The following TBCK variants were observed in gnomAD, a reference collection of about 807,000 sequenced individuals.
TBCK encodes the protein TBC domain-containing protein kinase-like protein.
In TBCK, 99 loss-of-function variants were observed where a neutral mutation model predicts 113.4. That is an observed-to-expected ratio of 0.87 (90% confidence interval 0.74 to 1.03). The LOEUF (loss-of-function observed/expected upper bound fraction) is 1.03. TBCK is among the 50% of genes least tolerant of loss of function. The pLI, the probability that TBCK is intolerant of heterozygous loss-of-function variation, is 0.00. For missense variants in TBCK, 1,045 were observed against 1,061.3 expected (o/e 0.98, Z 0.21); for synonymous variants, 369 against 370.8 (o/e 1.00, Z 0.05).
intron 20 of TBCK, among the ~76,000 whole-genome samples, chr4:106,209,317 C>T (rs955598535): frequency 2.6e-5 from 4 of 152,146 alleles, no homozygotes; most frequent in Non-Finnish European, 5.9e-5. Flanking sequence ...CCAATGTACT[C>T]TCCACTCAGA....
chr4:106,214,007 G>A (rs1392162152), intron 19 of TBCK, among the ~76,000 whole-genome samples: 1 of 152,144 alleles, frequency 6.6e-6, no homozygotes, highest in Non-Finnish European at 1.5e-5. Flanking sequence ...CTCCCAGCAT[G>A]CAGCTGGAGG....
At chr4:106,083,918 A>T (rs912639400) in intron 25 of TBCK, among the ~76,000 whole-genome samples, 15 of 152,328 alleles carry the variant, frequency 9.8e-5, no homozygotes, top group African/African-American at 3.6e-4. Context: ...AGACCCCCAT[A>T]AAAACCCCAT....
At chr4:106,285,439 G>T (rs546094721) in intron 3 of TBCK, among the ~76,000 whole-genome samples, 1 of 151,956 alleles carries the variant, frequency 6.6e-6, no homozygotes, top group East Asian at 1.9e-4. Flanking sequence ...TGACATTTCA[G>T]TACAATATTG....
intron 6 of TBCK, 27 bp downstream of exon 6, chr4:106,251,836 TTTA>T: frequency 6.9e-7 from 1 of 1,450,096 alleles, no homozygotes; most frequent in Non-Finnish European, 9.1e-7. Flanking sequence ...ACAATTTCCT[TTTA>T]TTATATTAAT....
At chr4:106,244,791 T>C (rs765971423) in intron 10 of TBCK, 27 bp from the exon 11 acceptor site, 11 of 1,386,480 alleles carry the variant, frequency 7.9e-6, no homozygotes, top group Middle Eastern at 1.8e-4. Context: ...TAAGGAATCA[T>C]TGTATTATAT....
intron 23 of TBCK, among the ~76,000 whole-genome samples, chr4:106,119,837 C>A (rs1744029760): frequency 6.6e-6 from 1 of 151,964 alleles, no homozygotes; most frequent in South Asian, 2.1e-4. Context: ...TACTAACGGG[C>A]AAATGATCTG....
At chr4:106,145,016 G>A (rs1460781847) in intron 23 of TBCK, among the ~76,000 whole-genome samples, 3 of 118,366 alleles carry the variant, frequency 2.5e-5, no homozygotes, top group African/African-American at 6.5e-5. Flanking sequence ...GTGAAACTCC[G>A]TGTCAAAAAA....
In TBCK at chr4:106,136,458, T is replaced by C. The variant is rs1438312249; in HGVS notation, c.2236-20080A>G. ...TGAAAAGGTAATATTTCAGTGGAGA[T>C]TGAAAGGATGAATAGGAGTTTGCCG... On this transcript the variant is annotated intron_variant, in intron 23 of 25. Coordinates refer to ENST00000394708, the MANE Select transcript of TBCK (RefSeq NM_001163435.3). 3.5e-5 allele frequency among the ~76,000 whole-genome samples: 5 copies of C among 141,096 alleles called. 2 individuals are homozygous for C. Among genetic ancestry groups the C allele is most frequent in the Non-Finnish European group, 4.8e-5 (3 of 62,136 alleles). The allele number at this position is 141,096 out of a possible 152,430, so 92.6% of individuals were successfully genotyped here.
intron 23 of TBCK, among the ~76,000 whole-genome samples, chr4:106,144,314 G>C (rs1747505213): frequency 1.3e-5 from 2 of 152,162 alleles, no homozygotes; most frequent in Non-Finnish European, 2.9e-5. Context: ...TGAGTAAGTT[G>C]AGTCTGGAAA....
intron 23 of TBCK, among the ~76,000 whole-genome samples, chr4:106,140,817 C>A (rs1489910757): frequency 2.2e-5 from 3 of 138,704 alleles, no homozygotes; most frequent in Non-Finnish European, 4.9e-5. Context: ...TTAAATATAC[C>A]CTTGACTTAA....
Position 106,217,167 on chromosome 4 carries a change from AC to A in TBCK, c.1775-4333del, listed in dbSNP as rs754433100. On this transcript the variant is annotated intron_variant, in intron 19 of 25. Transcript: ENST00000394708. ...AAAAGGCCTTTGACAAAATTCAACAACCCTTCATGCTAAAAACTCTCAATAA... is the reference window on the plus strand; with the variant it reads ...AAAAGGCCTTTGACAAAATTCAACAACCTTCATGCTAAAAACTCTCAATAA... Among the ~76,000 whole-genome samples, 833 of 151,942 alleles carry A rather than the reference AC, an allele frequency of 5.5e-3. 4 individuals are homozygous for A. Among genetic ancestry groups the A allele is most frequent in the African/African-American group, 0.018 (749 of 41,450 alleles).
At chr4:106,290,247 G>C (rs989691969) in intron 3 of TBCK, among the ~76,000 whole-genome samples, 1 of 152,020 alleles carries the variant, frequency 6.6e-6, no homozygotes, top group Admixed American at 6.6e-5. Flanking sequence ...GCGTGATCTC[G>C]GCTCACTGCA....
intron 25 of TBCK, among the ~76,000 whole-genome samples, chr4:106,062,657 A>G (rs1298096058): frequency 2.6e-5 from 4 of 151,910 alleles, no homozygotes; most frequent in African/African-American, 9.7e-5. Context: ...AGCCACAGAC[A>G]TTCCTGTGGT....
intron 22 of TBCK, among the ~76,000 whole-genome samples, chr4:106,185,739 T>C (rs1752947098): frequency 1.3e-5 from 2 of 152,104 alleles, no homozygotes. Context: ...TTTCCAACTT[T>C]AATTTTAGGT....
chr4:106,232,452 C>T (rs1162816883), intron 17 of TBCK, among the ~76,000 whole-genome samples: 2 of 150,954 alleles, frequency 1.3e-5, no homozygotes, highest in South Asian at 2.1e-4. Context: ...CATTCTTTAT[C>T]AAACACAAAA....
At chr4:106,060,159 TTATCC>T (rs111403044) in intron 25 of TBCK, among the ~76,000 whole-genome samples, 143,320 of 151,564 alleles carry the variant, frequency 0.95, 68,043 homozygotes, top group African/African-American at 0.98. Context: ...GAAACTGCAG[TTATCC>T]TATCCAGAAT....
intron 22 of TBCK, among the ~76,000 whole-genome samples, chr4:106,180,724 T>C (rs1052484177): frequency 6.6e-6 from 1 of 152,194 alleles, no homozygotes; most frequent in South Asian, 2.1e-4. Flanking sequence ...ATCTTTTTTA[T>C]GGCTGCATAG....
chr4:106,193,589 C>T lies in TBCK; in HGVS notation c.2059+20G>A, dbSNP rs1753891593. 6.2e-7 allele frequency: 1 copy of T among 1,609,790 alleles called. No individual in the cohort carries two copies. Among genetic ancestry groups the T allele is most frequent in the Non-Finnish European group, 8.5e-7 (1 of 1,178,196 alleles). ...CATAGTCAAATTTCATTTAATGGCT[C>T]CATTTATTTAGATCTATACCTGGTA... On this transcript the variant is annotated intron_variant, in intron 22 of 25. Transcript: ENST00000394708.
chr4:106,302,349 G>A (rs1461072459), intron 2 of TBCK, among the ~76,000 whole-genome samples: 2 of 152,106 alleles, frequency 1.3e-5, no homozygotes, highest in African/African-American at 2.4e-5. Flanking sequence ...GTTTCTAAGC[G>A]GATCAGTTCC....
Sources: allele counts gnomAD v4.1 joint callset (sites outside exome capture counted in the v4.1 genomes callset), GRCh38; gene constraint gnomAD v4.1.1; transcripts MANE v1.5; gene names NCBI Gene and HGNC (gene_info 2026-07-23, HGNC 2026-07-21).